PLCXD3: variants seen among roughly 807,000 people sequenced by gnomAD.
The protein encoded by PLCXD3 is phosphatidylinositol specific phospholipase C X domain containing 3.
Under a neutral mutation model 25.5 loss-of-function variants are expected in PLCXD3, and 19 were observed. That is an observed-to-expected ratio of 0.75 (90% CI 0.52 to 1.09). PLCXD3 has a LOEUF of 1.09. Among genes scored for constraint, PLCXD3 ranks in the 50% least tolerant of loss-of-function variants. The pLI is 0.00. For missense variants in PLCXD3, 411 were observed against 388.1 expected, an observed-to-expected ratio of 1.06 and a Z score of -0.50; for synonymous variants, 174 against 137.6, an observed-to-expected ratio of 1.26 and a Z score of -1.85.
chr5:41,502,157 A>G (rs1027076105), intron 1 of PLCXD3, among the ~76,000 whole-genome samples: 5 of 152,136 alleles, frequency 3.3e-5, no homozygotes, highest in African/African-American at 1.2e-4. Flanking sequence ...GGGATCCAGA[A>G]CACAAGTGGA....
intron 2 of PLCXD3, among the ~76,000 whole-genome samples, chr5:41,320,787 C>T (rs1012477404): frequency 2.0e-5 from 3 of 152,184 alleles, no homozygotes; most frequent in Admixed American, 6.5e-5. Flanking sequence ...TGAGCCACTG[C>T]GCCCGGCCAC....
intron 1 of PLCXD3, among the ~76,000 whole-genome samples, chr5:41,447,981 A>AAT (rs1747543369): frequency 1.3e-5 from 2 of 152,224 alleles, no homozygotes; most frequent in Non-Finnish European, 2.9e-5. Flanking sequence ...GCCACCAATC[A>AAT]TTCATAGACC....
At chr5:41,465,160 G>C (rs755899479) in intron 1 of PLCXD3, among the ~76,000 whole-genome samples, 1 of 151,690 alleles carries the variant, frequency 6.6e-6, no homozygotes, top group Non-Finnish European at 1.5e-5. Context: ...CTTGCTAAAC[G>C]TATGACATGT....
rs146619656 is a variant in PLCXD3, at chr5:41,442,130, A to T, written c.104-59596T>A. 1.1e-3 allele frequency among the ~76,000 whole-genome samples: 164 copies of T among 152,364 alleles called. 4 individuals carry two copies. Among genetic ancestry groups the T allele is most frequent in the African/African-American group, 3.8e-3 (159 of 41,586 alleles). On this transcript the variant is annotated intron_variant, in intron 1 of 2. Coordinates refer to ENST00000377801, the MANE Select transcript of PLCXD3 (RefSeq NM_001005473.3). ...TATGTTGCAATTTAAATCATCCCATATATGGGAAGAAGGTAATTTTTATTA... is the reference window on the plus strand; with the variant it reads ...TATGTTGCAATTTAAATCATCCCATTTATGGGAAGAAGGTAATTTTTATTA...
At position 41,341,580 on chromosome 5, in the gene PLCXD3, G is replaced by A. The variant is rs184000001; in HGVS notation, c.813-27810C>T. Among the ~76,000 whole-genome samples the A allele has an allele frequency of 5.3e-4, 80 of 152,236 alleles. 1 individual carries two copies. In the East Asian group the frequency reaches 0.014, roughly 27 times the overall value. On this transcript the variant is annotated intron_variant, in intron 2 of 2. Coordinates refer to ENST00000377801, the MANE Select transcript of PLCXD3 (RefSeq NM_001005473.3). ...TGTTCCTCAGCTGAACTTTTCACTTGTAAATGGATTGGGTTACCATTGGGT... is the reference window on the plus strand; with the variant it reads ...TGTTCCTCAGCTGAACTTTTCACTTATAAATGGATTGGGTTACCATTGGGT...
intron 1 of PLCXD3, among the ~76,000 whole-genome samples, chr5:41,413,267 A>G (rs1167658597): frequency 6.6e-6 from 1 of 152,214 alleles, no homozygotes; most frequent in East Asian, 1.9e-4. Context: ...GTACAACACA[A>G]AGAAAGGATG....
At chr5:41,334,593 A>T (rs1743925972) in intron 2 of PLCXD3, among the ~76,000 whole-genome samples, 1 of 152,192 alleles carries the variant, frequency 6.6e-6, no homozygotes, top group African/African-American at 2.4e-5. Flanking sequence ...TTGTTAGTTT[A>T]GTTTAGCTTT....
At chr5:41,390,815 G>A (rs1172164950) in intron 1 of PLCXD3, among the ~76,000 whole-genome samples, 1 of 152,194 alleles carries the variant, frequency 6.6e-6, no homozygotes, top group African/African-American at 2.4e-5. Flanking sequence ...AGGCTCTGAA[G>A]AGATAGAAAA....
chr5:41,402,273 AGT>A (rs1746209538), intron 1 of PLCXD3, among the ~76,000 whole-genome samples: 1 of 151,722 alleles, frequency 6.6e-6, no homozygotes, highest in African/African-American at 2.4e-5. Context: ...GAAATTCTAC[AGT>A]GTTATATTTT....
chr5:41,439,422 G>A (rs1311407447), intron 1 of PLCXD3, among the ~76,000 whole-genome samples: 2 of 152,246 alleles, frequency 1.3e-5, no homozygotes, highest in East Asian at 1.9e-4. Context: ...CCAATGAGAT[G>A]TAAGCCAAAG....
chr5:41,391,295 A>G (rs1311190240), intron 1 of PLCXD3, among the ~76,000 whole-genome samples: 1 of 152,144 alleles, frequency 6.6e-6, no homozygotes, highest in Non-Finnish European at 1.5e-5. Context: ...TTGAGGCTCC[A>G]AAAGAGACCC....
intron 1 of PLCXD3, among the ~76,000 whole-genome samples, chr5:41,469,712 T>G (rs902609606): frequency 6.6e-6 from 1 of 152,180 alleles, no homozygotes; most frequent in African/African-American, 2.4e-5. Flanking sequence ...AATTAAATAA[T>G]AAATGGGAAA....
intron 2 of PLCXD3, among the ~76,000 whole-genome samples, chr5:41,372,569 C>T (rs554188842): frequency 2.3e-4 from 35 of 152,136 alleles, no homozygotes; most frequent in Middle Eastern, 3.4e-3. Context: ...TTACAGACAA[C>T]GCTTCCTCTT....
chr5:41,490,263 C>G (rs962661483), intron 1 of PLCXD3, among the ~76,000 whole-genome samples: 2 of 152,310 alleles, frequency 1.3e-5, no homozygotes, highest in South Asian at 2.1e-4. Context: ...ATTGAACCAG[C>G]CTTGCATCCC....
At chr5:41,396,877 G>T (rs536698236) in intron 1 of PLCXD3, among the ~76,000 whole-genome samples, 2 of 152,278 alleles carry the variant, frequency 1.3e-5, no homozygotes, top group East Asian at 1.9e-4. Flanking sequence ...TGAGAAAGAC[G>T]ATTTAAAATA....
At chr5:41,446,223 G>A (rs1333809879) in intron 1 of PLCXD3, among the ~76,000 whole-genome samples, 1 of 146,846 alleles carries the variant, frequency 6.8e-6, no homozygotes, top group African/African-American at 2.5e-5. Flanking sequence ...GAATAGTGAG[G>A]GTTGGGGTTT....
chr5:41,510,339 A>C (rs1739020874), intron 1 of PLCXD3, 85 bp downstream of exon 1: 2 of 1,199,408 alleles, frequency 1.7e-6, no homozygotes, highest in Non-Finnish European at 2.4e-6. Flanking sequence ...GCATCGTGGC[A>C]AGTTACCACT....
chr5:41,327,327 C>T (rs976996755), intron 2 of PLCXD3, among the ~76,000 whole-genome samples: 1 of 152,088 alleles, frequency 6.6e-6, no homozygotes, highest in African/African-American at 2.4e-5. Flanking sequence ...CTTTGACATG[C>T]TGTGGAGTCT....
Position 41,504,839 on chromosome 5 carries a change from C to T in PLCXD3, c.103+5585G>A, listed in dbSNP as rs566542812. ...GGCTTATAGATCATACTTAAGAATC[C>T]ATCCAGATTTTTAGAACTATTTGGA... On this transcript the variant is annotated intron_variant, in intron 1 of 2. Coordinates refer to ENST00000377801, the MANE Select transcript of PLCXD3 (RefSeq NM_001005473.3). Among the ~76,000 whole-genome samples, 5 of 152,258 alleles carry T rather than the reference C, an allele frequency of 3.3e-5. No homozygotes were observed. In the South Asian group the frequency reaches 8.3e-4, roughly 25 times the overall value.
Sources: allele counts gnomAD v4.1 joint callset (sites outside exome capture counted in the v4.1 genomes callset), GRCh38; gene constraint gnomAD v4.1.1; transcripts MANE v1.5; gene names NCBI Gene and HGNC (gene_info 2026-07-23, HGNC 2026-07-21).